The following WNK1 variants were observed in gnomAD, a reference collection of about 807,000 sequenced individuals.
WNK1 encodes the protein WNK lysine deficient protein kinase 1.
Under a neutral mutation model 222.8 loss-of-function variants are expected in WNK1, and 38 were observed. The observed-to-expected ratio is 0.17, with a 90% CI of 0.13 to 0.22. The LOEUF is 0.22. Ranked by LOEUF, WNK1 falls within the 10% of genes least tolerant of loss-of-function variation. WNK1 has a pLI of 1.00. For synonymous variants in WNK1, 1,090 were observed against 1,092.9 expected (o/e 1.00, Z 0.05); for missense variants, 2,348 against 2,918.4 (o/e 0.80, Z 4.50).
In WNK1 at chr12:901,551, CCT is replaced by C. The variant is rs1463811419; in HGVS notation, c.6643+885_6643+886del. The C allele has an allele frequency of 7.0e-6, 9 of 1,287,218 alleles. 1 individual carries two copies. In the East Asian group the frequency reaches 2.8e-4, roughly 40 times the overall value. 79.7% of individuals were successfully genotyped at this position (1,287,218 alleles called of 1,614,324 possible). ...TCTCTCTGTTCTACCCTGTTTTTCC[CCT>C]CTCACAGGCTGTGCGAAGTTTAACT... On this transcript the variant is annotated intron_variant, in intron 26 of 27. Transcript: ENST00000315939.
rs563184802 is a variant in WNK1 at position 755,844 on chromosome 12, G to A, written c.759+1520G>A. Among the ~76,000 whole-genome samples, 80 of 152,284 alleles carry A rather than the reference G, an allele frequency of 5.3e-4. No individual in the cohort carries two copies. The South Asian group carries it at 0.016, about 31-fold the overall frequency. The stretch of plus-strand genomic sequence containing the variant: ...ACAAAAATTAGCCGGGTATGGTGGC[G>A]CGCGCCTGTAATTCCAACTACTCGG... On this transcript the variant is annotated intron_variant, in intron 1 of 27. Transcript: ENST00000315939.
intron 11 of WNK1, among the ~76,000 whole-genome samples, 154 bp from the exon 12 acceptor site, chr12:880,567 G>A (rs988800271): frequency 3.3e-5 from 5 of 151,794 alleles, no homozygotes; most frequent in African/African-American, 1.2e-4. Flanking sequence ...TTTCAAGAAT[G>A]TGGTCTTTAT....
chr12:848,496 C>CTTTTTTTTTTTTTTT (rs10644583), intron 4 of WNK1, among the ~76,000 whole-genome samples: 4 of 99,258 alleles, frequency 4.0e-5, no homozygotes, highest in Non-Finnish European at 5.7e-5. Flanking sequence ...CCAGTAAAAA[C>CTTTTTTTTTTTTTTT]TTTTTTTTTT....
Position 827,282 on chromosome 12 carries a change from T to G in WNK1, c.1153+20T>G. ...TGATAGGTATGTTTCAGGTGTACCT[T>G]GGAGCCTGACTGGCTTTCTCACATT... On this transcript the variant is annotated intron_variant, in intron 3 of 27. Coordinates refer to ENST00000315939, the MANE Select transcript of WNK1 (RefSeq NM_018979.4). This position sits in a 1 kb window ranked among gnomAD's most constrained non-coding sequence, Gnocchi z 4.6. The G allele has an allele frequency of 6.2e-7, 1 of 1,601,644 alleles. No homozygotes were observed. The highest frequency in any genetic ancestry group is 1.3e-5 in the African/African-American group (1 of 74,762).
chr12:863,060 TA>T (rs2154067267), intron 8 of WNK1, among the ~76,000 whole-genome samples: 1 of 152,206 alleles, frequency 6.6e-6, no homozygotes, highest in South Asian at 2.1e-4. Context: ...CAGAGGAAAA[TA>T]AAATACGTCA....
At chr12:763,309 C>A (rs969315515) in intron 1 of WNK1, among the ~76,000 whole-genome samples, 1 of 147,022 alleles carries the variant, frequency 6.8e-6, no homozygotes, top group African/African-American at 2.4e-5. Flanking sequence ...GTTGGCTAGG[C>A]GTGGTGGCTC....
chr12:795,331 A>G (rs1369793586), intron 1 of WNK1, among the ~76,000 whole-genome samples: 1 of 128,546 alleles, frequency 7.8e-6, no homozygotes, highest in Non-Finnish European at 1.6e-5. Context: ...AGTTTCTGAT[A>G]TGGTTTGGCT....
intron 26 of WNK1, among the ~76,000 whole-genome samples, chr12:903,632 A>G (rs1160301700): frequency 6.6e-6 from 1 of 152,186 alleles, no homozygotes; most frequent in Non-Finnish European, 1.5e-5. Flanking sequence ...GTTCAAATGA[A>G]AGTGGTCAGA....
intron 13 of WNK1, 34 bp downstream of exon 13, chr12:881,823 G>T (rs375562454): frequency 6.2e-7 from 1 of 1,613,596 alleles, no homozygotes; most frequent in South Asian, 1.1e-5. Flanking sequence ...TCCTTGACTG[G>T]TAAATAAGAC....
chr12:801,651 T>C (rs1319273330), intron 1 of WNK1, among the ~76,000 whole-genome samples: 1 of 151,630 alleles, frequency 6.6e-6, no homozygotes, highest in Non-Finnish European at 1.5e-5. Context: ...CAAGTGGTCC[T>C]CCTGCCTCGG....
chr12:846,274 A>G (rs569929250), intron 4 of WNK1, among the ~76,000 whole-genome samples: 6 of 152,308 alleles, frequency 3.9e-5, no homozygotes, highest in African/African-American at 1.4e-4. Context: ...GTCTTGACCC[A>G]GTTGTCATGA....
intron 1 of WNK1, among the ~76,000 whole-genome samples, chr12:776,988 T>G (rs546818019): frequency 3.1e-4 from 47 of 152,316 alleles, no homozygotes; most frequent in African/African-American, 1.1e-3. Context: ...AAAAAGACTG[T>G]ACTAAATGAC....
intron 20 of WNK1, 94 bp downstream of exon 20, chr12:887,398 T>G: frequency 7.9e-7 from 1 of 1,268,934 alleles, no homozygotes; most frequent in Non-Finnish European, 1.2e-6. Context: ...CTTTTGCCTA[T>G]TTGTCTTTGA....
At chr12:894,720 C>A in intron 23 of WNK1, 85 bp downstream of exon 23, 1 of 1,238,266 alleles carries the variant, frequency 8.1e-7, no homozygotes, top group Non-Finnish European at 1.2e-6. Flanking sequence ...CTATTTGGGA[C>A]ACAATTGCCA....
At position 908,861 on chromosome 12, in the gene WNK1, G is replaced by GGGGGGGGGGGGGGGGGGGGGGGC; in HGVS notation, c.*69_*70insGGGGGGGGGGGGGGGGGGGGGGC. On this transcript the variant is annotated 3_prime_UTR_variant, in exon 28 of 28. Transcript: ENST00000315939. ...ATGCTGAGGGGGTGGGTGGGGGTGGGAAGTAGCCTATATACTAACTACTAG... is the reference window on the plus strand; with the variant it reads ...ATGCTGAGGGGGTGGGTGGGGGTGGGGGGGGGGGGGGGGGGGGGGGGGCAAGTAGCCTATATACTAACTACTAG... 1 of 491,846 alleles carries GGGGGGGGGGGGGGGGGGGGGGGC rather than the reference G, an allele frequency of 2.0e-6. No homozygotes were observed. The highest frequency in any genetic ancestry group is 2.2e-5 in the Admixed American group (1 of 46,428). The allele number at this position is 491,846 out of a possible 1,614,324, so 30.5% of individuals were successfully genotyped here.
intron 4 of WNK1, among the ~76,000 whole-genome samples, chr12:838,107 G>A (rs1048640085): frequency 2.2e-5 from 3 of 139,184 alleles, no homozygotes; most frequent in South Asian, 4.6e-4. Flanking sequence ...GTGTGTGTGT[G>A]TGTATGTATA....
chr12:907,781 T>C (rs1254646773), intron 26 of WNK1, 66 bp from the exon 27 acceptor site: 8 of 1,588,848 alleles, frequency 5.0e-6, no homozygotes, highest in Non-Finnish European at 6.0e-6. Context: ...TCCCGTGAAG[T>C]TTTCCCTCTT....
intron 2 of WNK1, among the ~76,000 whole-genome samples, chr12:825,178 G>A (rs980655501): frequency 3.9e-5 from 6 of 152,072 alleles, no homozygotes; most frequent in Non-Finnish European, 8.8e-5. Flanking sequence ...CCCTTATGCC[G>A]CTTTCCAGGC....
chr12:906,594 CT>C lies in WNK1; in HGVS notation c.6644-1250del, dbSNP rs1302170753. ...AAAGATTCAGGCACACCATACAGTC[CT>C]TTCCTCATGAATAATCTTGTTCTTT... On this transcript the variant is annotated intron_variant, in intron 26 of 27. Transcript: ENST00000315939. 4.2e-5 allele frequency: 41 copies of C among 985,204 alleles called. No individual in the cohort carries two copies. The Admixed American group carries it at 4.9e-4, about 12-fold the overall frequency. The allele number at this position is 985,204 out of a possible 1,614,324, so 61.0% of individuals were successfully genotyped here.
Sources: gnomAD v4.1 joint callset for allele counts (sites outside exome capture counted in the v4.1 genomes callset) on GRCh38, gnomAD v4.1.1 for gene constraint, Gnocchi (gnomAD v3.1) non-coding constraint, MANE v1.5 for transcripts, NCBI Gene and HGNC (gene_info 2026-07-23, HGNC 2026-07-21) for gene names.